IL6R: variants seen among roughly 807,000 people sequenced by gnomAD.
IL6R encodes the protein interleukin 6 receptor, also known as interleukin-6 receptor subunit alpha.
Under a neutral mutation model 48.3 loss-of-function variants are expected in IL6R, and 38 were observed. That is an observed-to-expected ratio of 0.79 (90% CI 0.61 to 1.03). The LOEUF is 1.03. Ranked by LOEUF, IL6R falls within the 50% of genes least tolerant of loss-of-function variation. The pLI is 0.00. For missense variants in IL6R, 534 were observed against 618.3 expected, an observed-to-expected ratio of 0.86 and a Z score of 1.45; for synonymous variants, 264 against 256.2, an observed-to-expected ratio of 1.03 and a Z score of -0.29.
In IL6R at chr1:154,435,044, G is replaced by T. The variant is rs112354168; in HGVS notation, c.695G>T (p.Arg232Leu). Residue 232 changes from arginine (R) to leucine (L), a missense_variant, in exon 5 of 10, where the codon CGC becomes CTC. Arg to Leu is a moderately radical substitution (Grantham distance 102). Coordinates refer to ENST00000368485, the MANE Select transcript of IL6R (RefSeq NM_000565.4). ...ITVTAVARNP[R>L]WLSVTWQDPH... ...GTCACTGCCGTGGCCAGAAACCCCC[G>T]CTGGCTCAGTGTCACCTGGCAAGAC... 12 of 1,614,020 alleles carry T rather than the reference G, an allele frequency of 7.4e-6. No homozygotes were observed. Among genetic ancestry groups the T allele is most frequent in the African/African-American group, 6.7e-5 (5 of 74,912 alleles).
At chr1:154,431,576 GTC>G (rs1453167394) in intron 3 of IL6R, among the ~76,000 whole-genome samples, 3 of 152,146 alleles carry the variant, frequency 2.0e-5, no homozygotes, top group Admixed American at 2.0e-4. Flanking sequence ...TGTGAATGTG[GTC>G]TCTCTGTTTC....
intron 3 of IL6R, among the ~76,000 whole-genome samples, chr1:154,434,259 C>T (rs571823165): frequency 1.2e-4 from 18 of 151,902 alleles, no homozygotes; most frequent in Non-Finnish European, 2.2e-4. Context: ...TGCAGTGAGC[C>T]GAGACTGCGC....
intron 1 of IL6R, among the ~76,000 whole-genome samples, chr1:154,419,174 A>G (rs1037398450): frequency 3.3e-5 from 5 of 152,160 alleles, no homozygotes; most frequent in Non-Finnish European, 5.9e-5. Flanking sequence ...TGCCTCAACA[A>G]TGAAATGGGG....
intron 1 of IL6R, among the ~76,000 whole-genome samples, chr1:154,407,899 T>G (rs185216216): frequency 2.3e-3 from 353 of 152,300 alleles, no homozygotes; most frequent in African/African-American, 8.2e-3. Context: ...CCTACTGCAA[T>G]GCAAGAAAAT....
In IL6R at chr1:154,449,474, T is replaced by G. The variant is rs1690462567; in HGVS notation, c.997-437T>G. Among the ~76,000 whole-genome samples the G allele has an allele frequency of 2.0e-5, 3 of 152,044 alleles. No homozygotes were observed. In the South Asian group the frequency reaches 6.2e-4, roughly 32 times the overall value. On this transcript the variant is annotated intron_variant, in intron 7 of 9. Coordinates refer to ENST00000368485, the MANE Select transcript of IL6R (RefSeq NM_000565.4). Reference sequence around the variant, plus strand: ...GTTGCAGTGAGCCGAGATCATGCCATTGCACTCCAGCTTGGGCAACAAGAG... The same window carrying G: ...GTTGCAGTGAGCCGAGATCATGCCAGTGCACTCCAGCTTGGGCAACAAGAG...
At chr1:154,450,814 G>T (rs554851164) in intron 8 of IL6R, among the ~76,000 whole-genome samples, 1 of 152,368 alleles carries the variant, frequency 6.6e-6, no homozygotes, top group East Asian at 1.9e-4. Flanking sequence ...GCTTCGTGAG[G>T]CAGTCCTTGC....
intron 4 of IL6R, 100 bp from the exon 5 acceptor site, chr1:154,434,890 C>A: frequency 1.5e-6 from 2 of 1,341,246 alleles, no homozygotes. Flanking sequence ...GGGGAGTGAA[C>A]GGGGCTGGGT....
chr1:154,447,209 C>A (rs1025571264), intron 6 of IL6R, among the ~76,000 whole-genome samples: 1 of 151,392 alleles, frequency 6.6e-6, no homozygotes. Context: ...GAGGCCAAAG[C>A]GGATAGATCA....
chr1:154,427,759 G>A (rs996231201), intron 1 of IL6R, among the ~76,000 whole-genome samples: 2 of 152,168 alleles, frequency 1.3e-5, no homozygotes, highest in African/African-American at 4.8e-5. Flanking sequence ...GGTGTTATCT[G>A]CCTGGGAGTC....
chr1:154,461,790 C>T (rs1246862370), intron 9 of IL6R, among the ~76,000 whole-genome samples: 1 of 152,080 alleles, frequency 6.6e-6, no homozygotes, highest in East Asian at 1.9e-4. Context: ...GAATTTGGGG[C>T]TAGGGTTGTA....
intron 3 of IL6R, 48 bp downstream of exon 3, chr1:154,430,654 G>C: frequency 6.2e-7 from 1 of 1,612,794 alleles, no homozygotes; most frequent in South Asian, 1.1e-5. Flanking sequence ...CCTCCTTCCC[G>C]AGGCCCCCCA....
intron 9 of IL6R, among the ~76,000 whole-genome samples, chr1:154,459,639 T>A (rs1188799504): frequency 1.3e-5 from 2 of 152,210 alleles, no homozygotes; most frequent in African/African-American, 2.4e-5. Flanking sequence ...TGTTTTTTAT[T>A]ACTCATTCTT....
chr1:154,411,720 A>G (rs1688030172), intron 1 of IL6R, among the ~76,000 whole-genome samples: 1 of 152,046 alleles, frequency 6.6e-6, no homozygotes, highest in African/African-American at 2.4e-5. Context: ...ATACTTTTTG[A>G]GGCCGGATGT....
chr1:154,446,026 A>G (rs1690208853), intron 6 of IL6R, among the ~76,000 whole-genome samples: 1 of 151,932 alleles, frequency 6.6e-6, no homozygotes, highest in Non-Finnish European at 1.5e-5. Flanking sequence ...CAGTCTCCCA[A>G]AGTGCTGGGA....
At chr1:154,449,494 C>T (rs1690463507) in intron 7 of IL6R, among the ~76,000 whole-genome samples, 1 of 152,026 alleles carries the variant, frequency 6.6e-6, no homozygotes, top group Non-Finnish European at 1.5e-5. Flanking sequence ...GCTTGGGCAA[C>T]AAGAGTGAAA....
intron 6 of IL6R, among the ~76,000 whole-genome samples, chr1:154,441,520 C>A (rs1190121324): frequency 6.6e-6 from 1 of 152,186 alleles, no homozygotes; most frequent in East Asian, 1.9e-4. Context: ...CTGCTCCCCT[C>A]TCTGCTGAGG....
At chr1:154,417,990 C>T (rs1051818577) in intron 1 of IL6R, among the ~76,000 whole-genome samples, 1 of 152,184 alleles carries the variant, frequency 6.6e-6, no homozygotes, top group Non-Finnish European at 1.5e-5. Context: ...TTCTCTGTCT[C>T]CCAAAGTGCT....
intron 9 of IL6R, among the ~76,000 whole-genome samples, chr1:154,460,247 C>A (rs193037747): frequency 1.3e-5 from 2 of 152,214 alleles, no homozygotes; most frequent in Admixed American, 1.3e-4. Flanking sequence ...TTCTGCCCAC[C>A]CTGTGTCCTC....
At chr1:154,419,356 C>A (rs769735242) in intron 1 of IL6R, among the ~76,000 whole-genome samples, 50 of 152,214 alleles carry the variant, frequency 3.3e-4, no homozygotes, top group Non-Finnish European at 6.3e-4. Context: ...ACCAAGAGCA[C>A]TGGGACTTGT....
Sources: gnomAD v4.1 joint callset for allele counts (sites outside exome capture counted in the v4.1 genomes callset) on GRCh38, gnomAD v4.1.1 for gene constraint, MANE v1.5 for transcripts, NCBI Gene and HGNC (gene_info 2026-07-23, HGNC 2026-07-21) for gene names.